DIP2B: variants seen among roughly 807,000 people sequenced by gnomAD.
The protein encoded by DIP2B is DIP2 acetate--CoA ligase B (putative).
DIP2B carries 76 observed loss-of-function variants against 198.0 expected under a neutral mutation model. The observed-to-expected ratio is 0.38, with a 90% CI of 0.32 to 0.46. The LOEUF is 0.46. Among genes scored for constraint, DIP2B ranks in the 20% least tolerant of loss-of-function variants. The pLI is 0.99. For synonymous variants in DIP2B, 701 were observed against 739.1 expected (o/e 0.95, Z 0.84); for missense variants, 1,559 against 1,978.4 (o/e 0.79, Z 4.02).
intron 1 of DIP2B, among the ~76,000 whole-genome samples, chr12:50,540,140 A>G (rs1235666411): frequency 8.9e-6 from 1 of 112,012 alleles, no homozygotes; most frequent in Non-Finnish European, 1.7e-5. Flanking sequence ...GTGGAGTTTC[A>G]CTCTATCACC....
intron 21 of DIP2B, 71 bp from the exon 22 acceptor site, chr12:50,708,377 A>C: frequency 5.7e-6 from 8 of 1,413,352 alleles, no homozygotes; most frequent in Non-Finnish European, 7.8e-6. Context: ...CCTCTCTGTA[A>C]TTCCAGTTAA....
chr12:50,672,854 G>C (rs1323617948), intron 5 of DIP2B, among the ~76,000 whole-genome samples: 2 of 152,082 alleles, frequency 1.3e-5, no homozygotes, highest in African/African-American at 2.4e-5. Context: ...TAAACATAAT[G>C]TTAATAACCT....
chr12:50,606,446 A>G (rs1259663213), intron 1 of DIP2B, among the ~76,000 whole-genome samples: 1 of 152,196 alleles, frequency 6.6e-6, no homozygotes, highest in Admixed American at 6.5e-5. Flanking sequence ...TTGCTGGATA[A>G]TATTGCGAGG....
intron 37 of DIP2B, among the ~76,000 whole-genome samples, chr12:50,742,930 T>A (rs1434953548): frequency 6.6e-6 from 1 of 150,848 alleles, no homozygotes; most frequent in East Asian, 1.9e-4. Flanking sequence ...TTCATAGGAG[T>A]CTCTCCCCAG....
At chr12:50,606,273 A>G (rs1958980891) in intron 1 of DIP2B, among the ~76,000 whole-genome samples, 1 of 152,088 alleles carries the variant, frequency 6.6e-6, no homozygotes, top group Admixed American at 6.5e-5. Flanking sequence ...GGTGTGTGCC[A>G]CCATGGCTGG....
rs547439219 is a variant in DIP2B at position 50,737,182 on chromosome 12, C to T, written c.4176+72C>T. ...TCTCTAGGGTTCACATTTTAGAAAT[C>T]AGTAAAACTGTGGATTTAGCTTTCC... On this transcript the variant is annotated intron_variant, in intron 35 of 37. Coordinates refer to ENST00000301180, the MANE Select transcript of DIP2B (RefSeq NM_173602.3). The T allele has an allele frequency of 1.4e-5, 19 of 1,403,386 alleles. No individual in the cohort carries two copies. In the African/African-American group the frequency reaches 2.6e-4, roughly 19 times the overall value. 86.9% of individuals were successfully genotyped at this position (1,403,386 alleles called of 1,614,324 possible).
intron 1 of DIP2B, among the ~76,000 whole-genome samples, chr12:50,559,745 A>ACACAC (rs1555184070): frequency 2.0e-5 from 3 of 151,094 alleles, no homozygotes; most frequent in Non-Finnish European, 4.4e-5. Flanking sequence ...ACACACACAC[A>ACACAC]ATTTCTAGTA....
intron 28 of DIP2B, 25 bp downstream of exon 28, chr12:50,724,911 G>A: frequency 2.5e-6 from 4 of 1,606,208 alleles, no homozygotes; most frequent in African/African-American, 1.3e-5. Context: ...TCTTCTGAGG[G>A]TGGAGGGACT....
chr12:50,697,060 G>C lies in DIP2B; in HGVS notation c.1934-1G>C. The stretch of plus-strand genomic sequence containing the variant: ...CAGGTTGATCTGTTCCAACTCCTTA[G>C]GGTCCGTGTCATCCTGTGATGCCTT... On this transcript the variant is annotated splice_acceptor_variant, in intron 16 of 37. Coordinates refer to ENST00000301180, the MANE Select transcript of DIP2B (RefSeq NM_173602.3). LOFTEE classifies it high-confidence loss of function. 1 of 1,613,190 alleles carries C rather than the reference G, an allele frequency of 6.2e-7. No individual in the cohort carries two copies. Among genetic ancestry groups the C allele is most frequent in the Non-Finnish European group, 8.5e-7 (1 of 1,179,422 alleles).
At chr12:50,708,344 T>C (rs559715738) in intron 21 of DIP2B, 104 bp from the exon 22 acceptor site, 2 of 907,110 alleles carry the variant, frequency 2.2e-6, no homozygotes, top group South Asian at 3.1e-5. Context: ...CTACTCGTTT[T>C]GGGTAGCATG....
At chr12:50,742,394 C>CAAAAAAAAAAAAAAAAAAAAAAAAAAAA (rs59566626) in intron 37 of DIP2B, among the ~76,000 whole-genome samples, 2 of 47,492 alleles carry the variant, frequency 4.2e-5, no homozygotes, top group African/African-American at 1.1e-4. Context: ...GAGACTGTCT[C>CAAAAAAAAAAAAAAAAAAAAAAAAAAAA]AAAAAAAAAA....
intron 1 of DIP2B, among the ~76,000 whole-genome samples, chr12:50,588,310 C>T (rs1958788336): frequency 6.6e-6 from 1 of 151,972 alleles, no homozygotes; most frequent in South Asian, 2.1e-4. Flanking sequence ...TGCTACCAGG[C>T]CCAGCTAATT....
chr12:50,561,703 G>A (rs1958520611), intron 1 of DIP2B, among the ~76,000 whole-genome samples: 1 of 152,192 alleles, frequency 6.6e-6, no homozygotes, highest in African/African-American at 2.4e-5. Flanking sequence ...TGCCTTCCGG[G>A]TTCAAGTGAT....
intron 1 of DIP2B, among the ~76,000 whole-genome samples, chr12:50,584,995 C>T (rs1417107872): frequency 1.3e-5 from 2 of 152,226 alleles, no homozygotes; most frequent in Non-Finnish European, 1.5e-5. Flanking sequence ...TCCTGTCCCT[C>T]ATTATGCTGT....
intron 36 of DIP2B, 143 bp from the exon 37 acceptor site, chr12:50,741,273 C>A: frequency 2.2e-6 from 2 of 898,564 alleles, no homozygotes; most frequent in Non-Finnish European, 3.2e-6. Flanking sequence ...GGATTCAGAG[C>A]CTTAAGGAAT....
chr12:50,513,085 A>G (rs533283743), intron 1 of DIP2B, among the ~76,000 whole-genome samples: 68 of 152,192 alleles, frequency 4.5e-4, no homozygotes, highest in Non-Finnish European at 8.7e-4. Context: ...AAAGCTGAGT[A>G]TAGTATGGCG....
intron 12 of DIP2B, among the ~76,000 whole-genome samples, chr12:50,689,302 G>A (rs1281101778): frequency 6.6e-6 from 1 of 151,908 alleles, no homozygotes; most frequent in Non-Finnish European, 1.5e-5. Flanking sequence ...GGGAGGCTGA[G>A]CCTGGGAGCT....
intron 20 of DIP2B, among the ~76,000 whole-genome samples, chr12:50,704,485 A>C (rs527617647): frequency 6.5e-4 from 99 of 152,112 alleles, no homozygotes; most frequent in Non-Finnish European, 1.2e-4. Flanking sequence ...GACTTTTTTT[A>C]TTTTAAGAAC....
rs935749971 is a variant in DIP2B at position 50,746,834 on chromosome 12, A to G, written c.*1995A>G. The stretch of plus-strand genomic sequence containing the variant: ...AGCTGATATAAATAAGTCTAGCTCT[A>G]TAATCCCCAAGTTCTAAAAGTTATG... On this transcript the variant is annotated 3_prime_UTR_variant, in exon 38 of 38. Transcript: ENST00000301180. 6 of 152,336 alleles carry G rather than the reference A, an allele frequency of 3.9e-5. No homozygotes were observed. The highest frequency in any genetic ancestry group is 1.9e-4 in the East Asian group (1 of 5,188). 9.4% of individuals were successfully genotyped at this position (152,336 alleles called of 1,614,324 possible). A position where few individuals can be genotyped will look rare whatever the true frequency, so the allele number is the denominator to read the frequency against.
Sources: allele counts gnomAD v4.1 joint callset (sites outside exome capture counted in the v4.1 genomes callset), GRCh38; gene constraint gnomAD v4.1.1; transcripts MANE v1.5; gene names NCBI Gene and HGNC (gene_info 2026-07-23, HGNC 2026-07-21).